Variants in XPO6 observed in about 807,000 individuals in gnomAD.
XPO6 encodes exportin-6.
In XPO6, 3 loss-of-function variants were observed where a neutral mutation model predicts 130.0. The observed-to-expected ratio is 0.02, with a 90% CI of 0.01 to 0.06. The LOEUF is 0.06. Among genes scored for constraint, XPO6 ranks in the 10% least tolerant of loss-of-function variants. XPO6 has a pLI of 1.00. For missense variants in XPO6, 970 were observed against 1,393.0 expected (o/e 0.70, Z 4.83); for synonymous variants, 524 against 548.9 (o/e 0.95, Z 0.63).
intron 10 of XPO6, among the ~76,000 whole-genome samples, chr16:28,134,173 T>TATAGG (rs988678895): frequency 6.6e-6 from 1 of 152,234 alleles, no homozygotes; most frequent in African/African-American, 2.4e-5. Flanking sequence ...CCCTTTGGGT[T>TATAGG]ATAGGATACA....
chr16:28,156,230 G>A lies in XPO6; in HGVS notation c.941C>T (p.Ser314Phe). The A allele has an allele frequency of 6.2e-7, 1 of 1,614,116 alleles. No homozygotes were observed. Among genetic ancestry groups the A allele is most frequent in the Non-Finnish European group, 8.5e-7 (1 of 1,180,016 alleles). ...CTTGGACATGAGTTCATTGATGCAG[G>A]ACATGGCCAGGACCCCCAGCCGGCC... ...ERGRLGVLAMSCINELMSKNC... is the reference protein window; with the variant it reads ...ERGRLGVLAMFCINELMSKNC... The change falls in exon 7 of 24, where the codon TCC (serine) becomes TTC (phenylalanine). Residue 314 changes from serine to phenylalanine, a missense_variant. Ser to Phe is a radical substitution (Grantham distance 155). Transcript: ENST00000304658.
At position 28,121,723 on chromosome 16, in the gene XPO6, C is replaced by G; in HGVS notation, c.1806G>C (p.Leu602Phe). The G allele has an allele frequency of 6.2e-7, 1 of 1,614,078 alleles. No homozygotes were observed. The highest frequency in any genetic ancestry group is 8.5e-7 in the Non-Finnish European group (1 of 1,179,982). The change falls in exon 14 of 24, where the codon TTG becomes TTC. Residue 602 changes from leucine (L) to phenylalanine (F), a missense_variant. Leu to Phe is a conservative substitution (Grantham distance 22, BLOSUM62 0). Around this residue, in one of 4 missense-constraint regions of XPO6, gnomAD observed 936 missense variants for 1,306.8 expected, o/e 0.72. Transcript: ENST00000304658. ...KVTLYGSQIK[L>F]YNIETAVPSV... ...ATGGCACAGCAGTTTCAATGTTGTA[C>G]AATTTTATCTGAGATCCGTACAGAG...
chr16:28,175,771 G>A (rs2043525101), intron 4 of XPO6, 127 bp downstream of exon 4: 1 of 738,798 alleles, frequency 1.4e-6, no homozygotes, highest in Non-Finnish European at 2.3e-6. Context: ...GCGATAATCA[G>A]TCCTACAATA....
intron 1 of XPO6, among the ~76,000 whole-genome samples, chr16:28,206,439 G>A (rs2044031798): frequency 6.6e-6 from 1 of 152,046 alleles, no homozygotes; most frequent in Non-Finnish European, 1.5e-5. Flanking sequence ...CTCAGCTACT[G>A]AGGAGGCTGA....
At chr16:28,185,000 C>T (rs1282973688) in intron 1 of XPO6, among the ~76,000 whole-genome samples, 1 of 152,026 alleles carries the variant, frequency 6.6e-6, no homozygotes, top group Non-Finnish European at 1.5e-5. Context: ...TACACAATAC[C>T]CAAAAAGTCA....
chr16:28,187,266 T>C (rs1475430753), intron 1 of XPO6, among the ~76,000 whole-genome samples: 2 of 152,236 alleles, frequency 1.3e-5, no homozygotes, highest in African/African-American at 4.8e-5. Flanking sequence ...CTGCAATTTA[T>C]AGTTTAACCT....
At chr16:28,166,730 C>A (rs1260638828) in intron 5 of XPO6, 145 bp from the exon 6 acceptor site, 5 of 1,471,826 alleles carry the variant, frequency 3.4e-6, no homozygotes, top group Non-Finnish European at 4.5e-6. Flanking sequence ...CAGCTAGCGG[C>A]TGTGCCTCTC....
chr16:28,164,009 C>T (rs571189846), intron 6 of XPO6, among the ~76,000 whole-genome samples: 2 of 152,220 alleles, frequency 1.3e-5, no homozygotes, highest in African/African-American at 2.4e-5. Context: ...AAACCACACA[C>T]ACTCCTTCAA....
intron 9 of XPO6, among the ~76,000 whole-genome samples, chr16:28,137,941 G>A (rs544418989): frequency 4.6e-5 from 7 of 152,030 alleles, no homozygotes; most frequent in African/African-American, 1.2e-4. Context: ...TTTAGCTCCC[G>A]ACAGCTCGTT....
rs1363309511 is a variant in XPO6, at chr16:28,156,119, T to A, written c.1052A>T (p.Asn351Ile). 7.4e-6 allele frequency: 12 copies of A among 1,613,416 alleles called. No individual in the cohort carries two copies. The Admixed American group carries it at 2.0e-4, about 27-fold the overall frequency. Reference sequence around the variant, plus strand: ...CCTGCTCTTCACTGTGTGGGCATTGTTATCCTTGGTGATTTTCTGCAGGAG... The same window carrying A: ...CCTGCTCTTCACTGTGTGGGCATTGATATCCTTGGTGATTTTCTGCAGGAG... ...FYLLQKITKD[N>I]NAHTVKSRLE... Residue 351 changes from asparagine (N) to isoleucine (I), a missense_variant, in exon 7 of 24, where the codon AAC (asparagine) becomes ATC (isoleucine). Coordinates refer to ENST00000304658, the MANE Select transcript of XPO6 (RefSeq NM_015171.4).
rs1010052457 is a variant in XPO6 at position 28,136,505 on chromosome 16, C to G, written c.1335-1181G>C. Among the ~76,000 whole-genome samples, 7 of 152,326 alleles carry G rather than the reference C, an allele frequency of 4.6e-5. No homozygotes were observed. The East Asian group carries it at 1.3e-3, about 29-fold the overall frequency. On this transcript the variant is annotated intron_variant, in intron 9 of 23. Coordinates refer to ENST00000304658, the MANE Select transcript of XPO6 (RefSeq NM_015171.4). ...AAAGTGTCAGGATTACAGGCGTGATCCCGCGCCCAGCACCAATGGGTTTTA... is the reference window on the plus strand; with the variant it reads ...AAAGTGTCAGGATTACAGGCGTGATGCCGCGCCCAGCACCAATGGGTTTTA...
At chr16:28,147,215 T>C (rs2042999690) in intron 8 of XPO6, among the ~76,000 whole-genome samples, 1 of 152,080 alleles carries the variant, frequency 6.6e-6, no homozygotes, top group African/African-American at 2.4e-5. Flanking sequence ...TAACTAACAA[T>C]GGGTGGTGGT....
At chr16:28,141,193 A>T (rs943590087) in intron 9 of XPO6, among the ~76,000 whole-genome samples, 4 of 152,192 alleles carry the variant, frequency 2.6e-5, no homozygotes, top group Non-Finnish European at 5.9e-5. Context: ...TTACAGTCCT[A>T]TCTAATGTCA....
intron 1 of XPO6, among the ~76,000 whole-genome samples, chr16:28,199,311 A>G (rs2043917196): frequency 6.6e-6 from 1 of 152,204 alleles, no homozygotes; most frequent in South Asian, 2.1e-4. Flanking sequence ...CAAAATGCAG[A>G]TGAATAATTT....
At chr16:28,162,943 T>C (rs2043300657) in intron 6 of XPO6, among the ~76,000 whole-genome samples, 2 of 152,228 alleles carry the variant, frequency 1.3e-5, no homozygotes, top group African/African-American at 4.8e-5. Context: ...TTAAGAGTTT[T>C]CCAACCTCAG....
intron 1 of XPO6, 31 bp downstream of exon 1, chr16:28,211,335 C>A: frequency 7.6e-7 from 1 of 1,311,972 alleles, no homozygotes; most frequent in Non-Finnish European, 9.8e-7. Flanking sequence ...TAGGGCACCC[C>A]AGGAGGGAAG....
intron 17 of XPO6, among the ~76,000 whole-genome samples, chr16:28,108,694 A>C (rs2086842084): frequency 6.6e-6 from 1 of 152,212 alleles, no homozygotes; most frequent in African/African-American, 2.4e-5. Context: ...AGCTGGGCTG[A>C]GAGCTGCCTC....
intron 9 of XPO6, among the ~76,000 whole-genome samples, chr16:28,145,712 G>A (rs2042970700): frequency 6.6e-6 from 1 of 151,982 alleles, no homozygotes; most frequent in Non-Finnish European, 1.5e-5. Flanking sequence ...CCAACACATG[G>A]GCAGCCTGTT....
chr16:28,191,018 A>G (rs1295723708), intron 1 of XPO6, among the ~76,000 whole-genome samples: 2 of 152,186 alleles, frequency 1.3e-5, no homozygotes, highest in African/African-American at 2.4e-5. Context: ...TGAAATAAAC[A>G]GTTTTTAAAA....
Sources: gnomAD v4.1 joint callset for allele counts (sites outside exome capture counted in the v4.1 genomes callset) on GRCh38, gnomAD v4.1.1 for gene constraint, gnomAD v4.1.1 regional missense constraint, MANE v1.5 for transcripts, NCBI Gene and HGNC (gene_info 2026-07-23, HGNC 2026-07-21) for gene names.